CBL: variants seen among roughly 807,000 people sequenced by gnomAD.
CBL encodes E3 ubiquitin-protein ligase CBL.
Under a neutral mutation model 96.9 loss-of-function variants are expected in CBL, and 45 were observed. The observed-to-expected ratio is 0.46, with a 90% CI of 0.37 to 0.60. The LOEUF (loss-of-function observed/expected upper bound fraction) is 0.60, where lower values mean the gene tolerates loss of function less well. Among genes scored for constraint, CBL ranks in the 20% least tolerant of loss-of-function variants. The probability of loss-of-function intolerance (pLI) is 0.00; values close to 1 mark genes in which losing one functional copy is unlikely to be tolerated. For missense variants in CBL, 1,024 were observed against 1,143.5 expected (o/e 0.90, Z 1.51); for synonymous variants, 420 against 426.8 (o/e 0.98, Z 0.20).
chr11:119,276,265 T>G lies in CBL; in HGVS notation c.1007+131T>G. 5 of 957,588 alleles carry G rather than the reference T, an allele frequency of 5.2e-6. No individual in the cohort carries two copies. The South Asian group carries it at 6.8e-5, about 13-fold the overall frequency. 59.3% of individuals were successfully genotyped at this position (957,588 alleles called of 1,614,324 possible). ...TCAGGAAAATATTAACAGATGATAT[T>G]GATTTGACCTTCAGGTCCTGGAAGA... On this transcript the variant is annotated intron_variant, in intron 6 of 15. Transcript: ENST00000264033.
chr11:119,265,684 C>T (rs1161822569), intron 2 of CBL, among the ~76,000 whole-genome samples: 1 of 151,932 alleles, frequency 6.6e-6, no homozygotes, highest in Non-Finnish European at 1.5e-5. Flanking sequence ...ATCAGGAGTT[C>T]GAGACCAGCC....
chr11:119,228,654 G>T (rs1949477824), intron 1 of CBL, among the ~76,000 whole-genome samples: 1 of 151,576 alleles, frequency 6.6e-6, no homozygotes, highest in South Asian at 2.1e-4. Flanking sequence ...ATGTGGCCCA[G>T]GCTGGAGTGC....
intron 2 of CBL, among the ~76,000 whole-genome samples, chr11:119,250,738 G>A (rs893848144): frequency 6.6e-6 from 1 of 152,056 alleles, no homozygotes; most frequent in Non-Finnish European, 1.5e-5. Flanking sequence ...ATTCCTTGAG[G>A]CCAGGACTTT....
intron 2 of CBL, among the ~76,000 whole-genome samples, chr11:119,251,020 G>T (rs1949666102): frequency 6.6e-6 from 1 of 152,124 alleles, no homozygotes; most frequent in Non-Finnish European, 1.5e-5. Flanking sequence ...AGTAAATCCA[G>T]TCCTTGTAGT....
chr11:119,250,636 G>A (rs1317925772), intron 2 of CBL, among the ~76,000 whole-genome samples: 4 of 152,118 alleles, frequency 2.6e-5, no homozygotes, highest in Admixed American at 6.6e-5. Flanking sequence ...GTCCCTGTCC[G>A]CTATTGCCTG....
chr11:119,221,917 A>G (rs1344234983), intron 1 of CBL, among the ~76,000 whole-genome samples: 1 of 152,266 alleles, frequency 6.6e-6, no homozygotes, highest in East Asian at 1.9e-4. Context: ...AGGGCAAATA[A>G]CTTGCTTGAG....
intron 1 of CBL, among the ~76,000 whole-genome samples, chr11:119,221,766 C>CA (rs199581991): frequency 5.2e-3 from 321 of 61,628 alleles, no homozygotes; most frequent in Middle Eastern, 0.022. Context: ...GACTCCGTCT[C>CA]AAAAAAAAAA....
chr11:119,243,462 A>T (rs918771582), intron 2 of CBL, among the ~76,000 whole-genome samples: 4 of 151,662 alleles, frequency 2.6e-5, no homozygotes, highest in African/African-American at 7.3e-5. Context: ...TACTGTTAGG[A>T]ATTTATCAAA....
rs375280748 is a variant in CBL at position 119,218,653 on chromosome 11, C to T, written c.195+12041C>T. 7.4e-4 allele frequency among the ~76,000 whole-genome samples: 112 copies of T among 151,988 alleles called. 1 individual carries two copies. Among genetic ancestry groups the T allele is most frequent in the African/African-American group, 2.4e-3 (98 of 41,440 alleles). ...TGTGGATATAGTAGTGTATCTACAC[C>T]GTCTACACTACCCACCGGTTAGTCA... On this transcript the variant is annotated intron_variant, in intron 1 of 15. Transcript: ENST00000264033.
intron 2 of CBL, among the ~76,000 whole-genome samples, chr11:119,239,061 C>G (rs1355677627): frequency 1.3e-5 from 2 of 152,140 alleles, no homozygotes; most frequent in African/African-American, 4.8e-5. Flanking sequence ...CCTTCACCTC[C>G]CAAGCTCAGG....
chr11:119,270,648 G>A (rs1458532326), intron 2 of CBL, among the ~76,000 whole-genome samples: 13 of 149,774 alleles, frequency 8.7e-5, no homozygotes, highest in African/African-American at 7.4e-5. Context: ...GGGTTTCACC[G>A]TTTTAGCCGG....
intron 1 of CBL, among the ~76,000 whole-genome samples, chr11:119,210,216 T>C (rs1025854504): frequency 2.6e-5 from 4 of 152,046 alleles, no homozygotes; most frequent in African/African-American, 9.7e-5. Context: ...GACGAAACCC[T>C]GTCTCTACAA....
In CBL at chr11:119,306,601, G is replaced by T. The variant is rs35129864; in HGVS notation, c.*6820G>T. The T allele has an allele frequency of 2.6e-6, 1 of 378,814 alleles. No homozygotes were observed. Among genetic ancestry groups the T allele is most frequent in the Non-Finnish European group, 4.7e-6 (1 of 213,526 alleles). The allele number at this position is 378,814 out of a possible 1,614,324, so 23.5% of individuals were successfully genotyped here. On this transcript the variant is annotated 3_prime_UTR_variant, in exon 16 of 16. Transcript: ENST00000264033. Reference sequence around the variant, plus strand: ...ACCTCTGACCTTCTTGTGGGTGAGGGTGGCCATGCTTATGGCCATCTTAAA... The same window carrying T: ...ACCTCTGACCTTCTTGTGGGTGAGGTTGGCCATGCTTATGGCCATCTTAAA...
intron 2 of CBL, among the ~76,000 whole-genome samples, chr11:119,240,163 C>T (rs940818138): frequency 3.9e-5 from 6 of 151,928 alleles, no homozygotes. Flanking sequence ...GACATGGTGG[C>T]ATATACCTGT....
intron 2 of CBL, among the ~76,000 whole-genome samples, chr11:119,238,454 C>T (rs956092524): frequency 1.3e-5 from 2 of 151,718 alleles, no homozygotes; most frequent in Admixed American, 6.6e-5. Flanking sequence ...ATGTGACCCG[C>T]CCGCCTCGGC....
chr11:119,264,838 A>G (rs73566764), intron 2 of CBL, among the ~76,000 whole-genome samples: 1,763 of 152,212 alleles, frequency 0.012, 29 homozygotes, highest in African/African-American at 0.04. Flanking sequence ...TAACCACCAT[A>G]TACCAATCTG....
intron 2 of CBL, among the ~76,000 whole-genome samples, chr11:119,258,722 AT>A (rs1949730606): frequency 1.3e-5 from 2 of 151,876 alleles, no homozygotes; most frequent in Non-Finnish European, 2.9e-5. Flanking sequence ...ATGCCTTTAG[AT>A]TTGTTATTTC....
intron 12 of CBL, among the ~76,000 whole-genome samples, chr11:119,294,980 A>G (rs1276392888): frequency 6.6e-6 from 1 of 152,192 alleles, no homozygotes; most frequent in Admixed American, 6.5e-5. Flanking sequence ...ATGTTATTAC[A>G]TATTCTGTTG....
At chr11:119,261,783 T>A (rs1289681133) in intron 2 of CBL, among the ~76,000 whole-genome samples, 6 of 152,260 alleles carry the variant, frequency 3.9e-5, no homozygotes, top group Non-Finnish European at 8.8e-5. Context: ...AGAAATCTGA[T>A]TAAACAGGAC....
Sources: allele counts gnomAD v4.1 joint callset (sites outside exome capture counted in the v4.1 genomes callset), GRCh38; gene constraint gnomAD v4.1.1; transcripts MANE v1.5; gene names NCBI Gene and HGNC (gene_info 2026-07-23, HGNC 2026-07-21).